SMC3: variants seen among roughly 807,000 people sequenced by gnomAD.
The protein encoded by SMC3 is structural maintenance of chromosomes protein 3.
SMC3 carries 20 observed loss-of-function variants against 171.8 expected under a neutral mutation model. The observed-to-expected ratio is 0.12, with a 90% CI of 0.08 to 0.17. The LOEUF (loss-of-function observed/expected upper bound fraction) is 0.17. SMC3 is among the 10% of genes least tolerant of loss of function. The pLI, the probability that SMC3 is intolerant of heterozygous loss-of-function variation, is 1.00. For missense variants in SMC3, 543 were observed against 1,420.4 expected, an observed-to-expected ratio of 0.38 and a Z score of 9.93; for synonymous variants, 464 against 451.1, an observed-to-expected ratio of 1.03 and a Z score of -0.36.
In SMC3 at chr10:110,599,830, T is replaced by TGG. The variant is rs1861358912; in HGVS notation, c.2427+19_2427+20dup. ...TTCAGCAGGTAAGTAGACAGCTGAC[T>TGG]GGAAAAAGAATTCGTTAGTAATTGG... is the stretch of plus-strand genomic sequence containing the variant. On this transcript the variant is annotated intron_variant, in intron 21 of 28. Transcript: ENST00000361804. 6.8e-6 allele frequency: 11 copies of TGG among 1,612,480 alleles called. No individual in the cohort carries two copies. The highest frequency in any genetic ancestry group is 9.3e-6 in the Non-Finnish European group (11 of 1,178,548).
At chr10:110,575,185 T>G in intron 3 of SMC3, 151 bp from the exon 4 acceptor site, 2 of 646,320 alleles carry the variant, frequency 3.1e-6, no homozygotes, top group Admixed American at 2.5e-5. Context: ...TGCAGGCACA[T>G]TTTCTGCATT....
At chr10:110,582,719 A>G in intron 10 of SMC3, 77 bp downstream of exon 10, 2 of 1,096,644 alleles carry the variant, frequency 1.8e-6, no homozygotes, top group Non-Finnish European at 2.8e-6. Context: ...TCCAGGCTGG[A>G]GTACAGTGGT....
chr10:110,568,245 G>A (rs1564786572), intron 1 of SMC3: 1 of 239,254 alleles, frequency 4.2e-6, no homozygotes, highest in Non-Finnish European at 8.1e-6. Flanking sequence ...GGGATGTGTG[G>A]AAAGGTGGCT....
intron 23 of SMC3, 136 bp downstream of exon 23, chr10:110,601,266 G>T: frequency 4.4e-6 from 3 of 688,806 alleles, no homozygotes; most frequent in East Asian, 2.6e-5. Context: ...TATAGCAAAT[G>T]GAATTTAGGA....
chr10:110,589,241 A>G lies in SMC3; in HGVS notation c.1306-364A>G, dbSNP rs1052620787. Among the ~76,000 whole-genome samples the G allele has an allele frequency of 3.0e-4, 45 of 151,950 alleles. 1 individual carries two copies. Among genetic ancestry groups the G allele is most frequent in the African/African-American group, 1.1e-3 (45 of 41,372 alleles). On this transcript the variant is annotated intron_variant, in intron 13 of 28. Transcript: ENST00000361804. ...CGTCTCTACTAAAAATACAAAAAAC[A>G]AAAAAAACAAACTGAAATTGGATTT...
intron 2 of SMC3, among the ~76,000 whole-genome samples, chr10:110,573,479 A>G (rs1860902473): frequency 6.6e-6 from 1 of 152,164 alleles, no homozygotes; most frequent in South Asian, 2.1e-4. Context: ...AAACGGATCA[A>G]CTGTGAAATA....
intron 18 of SMC3, among the ~76,000 whole-genome samples, chr10:110,594,516 A>G (rs895418886): frequency 2.0e-5 from 3 of 152,144 alleles, no homozygotes; most frequent in East Asian, 1.9e-4. Flanking sequence ...CGTGTTCGTT[A>G]TAGAAGGGAA....
intron 14 of SMC3, 48 bp downstream of exon 14, chr10:110,589,756 A>G (rs1213705091): frequency 1.4e-6 from 2 of 1,419,618 alleles, no homozygotes; most frequent in East Asian, 2.3e-5. Flanking sequence ...AATGTTCGTT[A>G]CTAGCTGTTA....
chr10:110,583,599 A>G (rs777177354), intron 11 of SMC3, 51 bp downstream of exon 11: 17 of 1,568,794 alleles, frequency 1.1e-5, no homozygotes, highest in South Asian at 1.0e-4. Context: ...GTGAGTAGCA[A>G]CTGTAGAAGA....
rs1409780883 is a variant in SMC3 at position 110,589,967 on chromosome 10, ACTT to A, written c.1489_1491del (p.Leu497del). The A allele has an allele frequency of 1.2e-6, 2 of 1,613,900 alleles. No individual in the cohort carries two copies. The highest frequency in any genetic ancestry group is 1.7e-5 in the Admixed American group (1 of 60,022). ...GAGAAGATCTTGAAAAGAAGCAACAACTTCTTAGAGCAGCAACAGGAAAGGTGG... is the reference window on the plus strand; with the variant it reads ...GAGAAGATCTTGAAAAGAAGCAACAACTTAGAGCAGCAACAGGAAAGGTGG... On this transcript the variant is annotated inframe_deletion, in exon 15 of 29. Transcript: ENST00000361804.
chr10:110,605,659 A>G lies in SMC3; in HGVS notation c.*1357A>G, dbSNP rs913383651. On this transcript the variant is annotated 3_prime_UTR_variant, in exon 29 of 29. Transcript: ENST00000361804. ...ATTATTTATACTTTGTAGCTTTGCT[A>G]TAACATAACTGATCTATAATAGAGA... Among the ~76,000 whole-genome samples, 5 of 152,172 alleles carry G rather than the reference A, an allele frequency of 3.3e-5. No individual in the cohort carries two copies. The highest frequency in any genetic ancestry group is 3.8e-4 in the East Asian group (2 of 5,200).
Position 110,602,755 on chromosome 10 carries a change from C to G in SMC3, c.3298-70C>G, listed in dbSNP as rs774162501. 4 of 1,565,744 alleles carry G rather than the reference C, an allele frequency of 2.6e-6. No individual in the cohort carries two copies. The South Asian group carries it at 4.4e-5, about 17-fold the overall frequency. On this transcript the variant is annotated intron_variant, in intron 26 of 28. Transcript: ENST00000361804. ...GCAAATCTGATTGGTGCATTATATG[C>G]AAGTTACTTTTGAAAGATGGTGGTG...
At chr10:110,583,008 T>G (rs971064321) in intron 10 of SMC3, among the ~76,000 whole-genome samples, 4 of 148,906 alleles carry the variant, frequency 2.7e-5, no homozygotes, top group Non-Finnish European at 5.9e-5. Flanking sequence ...CACAGCTCAC[T>G]GCAGCCTTGA....
At chr10:110,569,189 CTT>C (rs1255016702) in intron 2 of SMC3, among the ~76,000 whole-genome samples, 176 bp downstream of exon 2, 1 of 152,124 alleles carries the variant, frequency 6.6e-6, no homozygotes, top group East Asian at 1.9e-4. Context: ...TTTTTATAAA[CTT>C]AAAATGTTTG....
intron 2 of SMC3, among the ~76,000 whole-genome samples, chr10:110,570,295 T>G (rs1439092915): frequency 6.6e-6 from 1 of 152,222 alleles, no homozygotes. Flanking sequence ...GTGGGTGAGA[T>G]TCACATTACT....
In SMC3 at chr10:110,602,998, G is replaced by A. The variant is rs1236887832; in HGVS notation, c.3471G>A (p.Val1157=). 2 of 1,613,994 alleles carry A rather than the reference G, an allele frequency of 1.2e-6. No homozygotes were observed. Among genetic ancestry groups the A allele is most frequent in the African/African-American group, 2.7e-5 (2 of 74,912 alleles). The part of the protein sequence containing the change: ...QALDAQHRKA[V]SDMIMELAVH... ...TGGATGCTCAGCACAGAAAGGCTGT[G>A]TCAGGTACAGTTTCAGTACAGTTTT... Residue 1157 remains valine (V), a synonymous_variant, in exon 27 of 29, where the codon GTG becomes GTA. Transcript: ENST00000361804.
chr10:110,574,553 A>G (rs1195370824), intron 3 of SMC3, among the ~76,000 whole-genome samples: 1 of 152,212 alleles, frequency 6.6e-6, no homozygotes, highest in Non-Finnish European at 1.5e-5. Flanking sequence ...GTAATTTGGC[A>G]ATGATGAGAG....
intron 13 of SMC3, among the ~76,000 whole-genome samples, chr10:110,589,337 A>G (rs1861173097): frequency 6.6e-6 from 1 of 152,224 alleles, no homozygotes; most frequent in South Asian, 2.1e-4. Context: ...CATTTTTCCT[A>G]GTCAGGAAAG....
chr10:110,582,977 G>C (rs2134726178), intron 10 of SMC3, among the ~76,000 whole-genome samples: 1 of 146,804 alleles, frequency 6.8e-6, no homozygotes, highest in South Asian at 2.1e-4. Flanking sequence ...CATTGCACAG[G>C]CTGGAGTGCA....
Sources: allele counts gnomAD v4.1 joint callset (sites outside exome capture counted in the v4.1 genomes callset), GRCh38; gene constraint gnomAD v4.1.1; transcripts MANE v1.5; gene names NCBI Gene and HGNC (gene_info 2026-07-23, HGNC 2026-07-21).